PUM2: variants seen among roughly 807,000 people sequenced by gnomAD.
The protein encoded by PUM2 is pumilio homolog 2.
Under a neutral mutation model 124.5 loss-of-function variants are expected in PUM2, and 57 were observed. That is an observed-to-expected ratio of 0.46 (90% CI 0.37 to 0.57). The LOEUF is 0.57. Ranked by LOEUF, PUM2 falls within the 20% of genes least tolerant of loss-of-function variation. The pLI is 0.00. For synonymous variants in PUM2, 460 were observed against 446.1 expected, an observed-to-expected ratio of 1.03 and a Z score of -0.39; for missense variants, 1,065 against 1,290.6, an observed-to-expected ratio of 0.83 and a Z score of 2.68.
intron 2 of PUM2, chr2:20,326,459 A>T: frequency 7.9e-7 from 1 of 1,266,760 alleles, no homozygotes; most frequent in Non-Finnish European, 1.0e-6. Flanking sequence ...AATCTCCAGG[A>T]GCAAGCAGTT....
chr2:20,336,189 T>G (rs1021154622), intron 1 of PUM2, among the ~76,000 whole-genome samples: 4 of 141,560 alleles, frequency 2.8e-5, no homozygotes, highest in Non-Finnish European at 6.1e-5. Flanking sequence ...TTTTTTGTTT[T>G]TTTGTTTGTT....
intron 12 of PUM2, among the ~76,000 whole-genome samples, chr2:20,280,127 A>G (rs1671156150): frequency 6.6e-6 from 1 of 152,156 alleles, no homozygotes; most frequent in Non-Finnish European, 1.5e-5. Context: ...AGGTAAGAGT[A>G]TAATACAGAC....
chr2:20,274,030 T>C (rs1173465562), intron 13 of PUM2, among the ~76,000 whole-genome samples: 3 of 152,160 alleles, frequency 2.0e-5, no homozygotes, highest in East Asian at 3.8e-4. Flanking sequence ...AATAGCATAA[T>C]GGAAAAACGA....
At chr2:20,348,696 G>A (rs1335032564) in intron 1 of PUM2, among the ~76,000 whole-genome samples, 1 of 152,094 alleles carries the variant, frequency 6.6e-6, no homozygotes, top group Non-Finnish European at 1.5e-5. Context: ...CTGGGAGGGC[G>A]AGGCGGGAGG....
Position 20,325,556 on chromosome 2 carries a change from T to C in PUM2, c.51+1754A>G, listed in dbSNP as rs946294427. Reference sequence around the variant, plus strand: ...GAAAAAACACCAGTTTGAAAACATATATACAATATACATCTAAGAAGTGAT... The same window carrying C: ...GAAAAAACACCAGTTTGAAAACATACATACAATATACATCTAAGAAGTGAT... On this transcript the variant is annotated intron_variant, in intron 2 of 20. Transcript: ENST00000361078. 2.0e-4 allele frequency among the ~76,000 whole-genome samples: 31 copies of C among 151,702 alleles called. 1 individual carries two copies. Among genetic ancestry groups the C allele is most frequent in the Admixed American group, 1.9e-3 (29 of 15,212 alleles).
chr2:20,338,858 T>C lies in PUM2; in HGVS notation c.-18-11480A>G, dbSNP rs538225261. Among the ~76,000 whole-genome samples the C allele has an allele frequency of 3.3e-5, 5 of 152,338 alleles. No individual in the cohort carries two copies. In the South Asian group the frequency reaches 1.0e-3, roughly 32 times the overall value. ...AGCATAAGTCACACTTAACCATTAA[T>C]AGTGGTCGCACCTAGAAAAAGGATA... On this transcript the variant is annotated intron_variant, in intron 1 of 20. Coordinates refer to ENST00000361078, the MANE Select transcript of PUM2 (RefSeq NM_015317.5).
At chr2:20,350,501 G>C in intron 1 of PUM2, 96 bp downstream of exon 1, 17 of 985,566 alleles carry the variant, frequency 1.7e-5, no homozygotes, top group Non-Finnish European at 2.0e-5. Flanking sequence ...CCTCCCGCTG[G>C]CGATCGGCTC....
intron 10 of PUM2, among the ~76,000 whole-genome samples, chr2:20,286,211 G>A (rs1332976033): frequency 6.6e-6 from 1 of 152,294 alleles, no homozygotes; most frequent in South Asian, 2.1e-4. Flanking sequence ...GGAGAAAAGA[G>A]GGACAAGAAG....
intron 20 of PUM2, among the ~76,000 whole-genome samples, chr2:20,253,486 A>T (rs1042506273): frequency 2.7e-5 from 4 of 150,758 alleles, no homozygotes; most frequent in Admixed American, 2.0e-4. Context: ...AAAGGGTTGC[A>T]CCATGATGCT....
intron 1 of PUM2, among the ~76,000 whole-genome samples, chr2:20,344,800 G>A (rs1317504627): frequency 6.6e-6 from 1 of 151,786 alleles, no homozygotes; most frequent in East Asian, 2.0e-4. Context: ...GGCTAACATG[G>A]TGAAACCCCG....
In PUM2 at chr2:20,249,043, T is replaced by C. The variant is rs1662658239; in HGVS notation, c.*2542A>G. 1 of 152,184 alleles carries C rather than the reference T, an allele frequency of 6.6e-6. No homozygotes were observed. Among genetic ancestry groups the C allele is most frequent in the South Asian group, 2.1e-4 (1 of 4,830 alleles). The allele number at this position is 152,184 out of a possible 1,614,324, so 9.4% of individuals were successfully genotyped here. On this transcript the variant is annotated 3_prime_UTR_variant, in exon 21 of 21. Coordinates refer to ENST00000361078, the MANE Select transcript of PUM2 (RefSeq NM_015317.5). ...AAAATTTCTACAAGAACAGGTACTT[T>C]TGTAGAGCAGGCCTGAAAGTATTGG...
At chr2:20,313,004 T>G (rs1402155397) in intron 3 of PUM2, among the ~76,000 whole-genome samples, 1 of 152,230 alleles carries the variant, frequency 6.6e-6, no homozygotes, top group Non-Finnish European at 1.5e-5. Context: ...GAAAACTGGC[T>G]AGCCATATGT....
intron 13 of PUM2, among the ~76,000 whole-genome samples, chr2:20,276,985 G>C (rs1670412265): frequency 6.6e-6 from 1 of 151,984 alleles, no homozygotes; most frequent in Non-Finnish European, 1.5e-5. Context: ...CTAAAGAAAG[G>C]TAGAGAAGCA....
chr2:20,351,801 C>T (rs527592840), upstream of PUM2, among the ~76,000 whole-genome samples: 9 of 152,292 alleles, frequency 5.9e-5, no homozygotes, highest in Non-Finnish European at 1.3e-4. Flanking sequence ...TAATATATGT[C>T]TTCCCTAGGC....
chr2:20,265,252 A>C (rs889375160), intron 13 of PUM2, among the ~76,000 whole-genome samples: 12 of 151,448 alleles, frequency 7.9e-5, no homozygotes, highest in African/African-American at 2.2e-4. Context: ...ACCGTCACAA[A>C]AAAAAAAAAA....
chr2:20,340,900 C>A (rs1687092591), intron 1 of PUM2, among the ~76,000 whole-genome samples: 1 of 152,174 alleles, frequency 6.6e-6, no homozygotes, highest in Admixed American at 6.5e-5. Context: ...AACAACAATG[C>A]CTCCCTCATA....
chr2:20,334,624 T>C (rs1457537447), intron 1 of PUM2, among the ~76,000 whole-genome samples: 2 of 152,224 alleles, frequency 1.3e-5, no homozygotes, highest in South Asian at 2.1e-4. Context: ...AATCAATTAG[T>C]ATCTGGATAG....
chr2:20,274,941 A>G (rs1478822917), intron 13 of PUM2, among the ~76,000 whole-genome samples: 1 of 124,528 alleles, frequency 8.0e-6, no homozygotes, highest in Non-Finnish European at 1.7e-5. Context: ...GTTCTTCACA[A>G]CAAGTGAAGT....
At chr2:20,323,957 C>T (rs16987556) in intron 2 of PUM2, among the ~76,000 whole-genome samples, 11,491 of 127,848 alleles carry the variant, frequency 0.09, 504 homozygotes, top group Non-Finnish European at 0.098. Context: ...CAGATCACCA[C>T]TGGGAATAAG....
Sources: allele counts gnomAD v4.1 joint callset (sites outside exome capture counted in the v4.1 genomes callset), GRCh38; gene constraint gnomAD v4.1.1; transcripts MANE v1.5; gene names NCBI Gene and HGNC (gene_info 2026-07-23, HGNC 2026-07-21).